Variants in ZDHHC17 observed in about 807,000 individuals in gnomAD.
ZDHHC17 encodes palmitoyltransferase ZDHHC17.
ZDHHC17 carries 40 observed loss-of-function variants against 90.3 expected under a neutral mutation model. That is an observed-to-expected ratio of 0.44 (90% CI 0.34 to 0.58). The LOEUF (loss-of-function observed/expected upper bound fraction) is 0.58. Among genes scored for constraint, ZDHHC17 ranks in the 20% least tolerant of loss-of-function variants. The pLI is 0.01. For missense variants in ZDHHC17, 614 were observed against 780.8 expected (o/e 0.79, Z 2.55); for synonymous variants, 235 against 252.4 (o/e 0.93, Z 0.65).
chr12:76,813,537 A>G, intron 5 of ZDHHC17: 1 of 289,454 alleles, frequency 3.5e-6, no homozygotes. Flanking sequence ...ATATGCTTAG[A>G]TAATGTTCAC....
chr12:76,835,319 G>T (rs1241971751), intron 10 of ZDHHC17, among the ~76,000 whole-genome samples: 1 of 152,076 alleles, frequency 6.6e-6, no homozygotes, highest in Non-Finnish European at 1.5e-5. Context: ...CCAAAGTGCT[G>T]GGATTACAGG....
chr12:76,802,105 G>A (rs1952898598), intron 2 of ZDHHC17, among the ~76,000 whole-genome samples: 1 of 152,132 alleles, frequency 6.6e-6, no homozygotes, highest in Non-Finnish European at 1.5e-5. Context: ...TCACCTGGCA[G>A]GTCTCCTTTG....
In ZDHHC17 at chr12:76,843,031, G is replaced by GGCATA. The variant is rs1953453635; in HGVS notation, c.1329+58_1329+62dup. ...CCTCCCTTCTCTTCCTCCTGACAGT[G>GGCATA]GCATAGCATAGCGGGTATGGGGTGT... is the stretch of plus-strand genomic sequence containing the variant. On this transcript the variant is annotated intron_variant, in intron 12 of 16. Coordinates refer to ENST00000426126, the MANE Select transcript of ZDHHC17 (RefSeq NM_015336.4). The GGCATA allele has an allele frequency of 2.0e-6, 3 of 1,470,252 alleles. No individual in the cohort carries two copies. In the African/African-American group the frequency reaches 4.2e-5, roughly 21 times the overall value. The allele number at this position is 1,470,252 out of a possible 1,614,324, so 91.1% of individuals were successfully genotyped here. A position where few individuals can be genotyped will look rare whatever the true frequency, so the allele number is the denominator to read the frequency against.
intron 1 of ZDHHC17, among the ~76,000 whole-genome samples, chr12:76,772,472 A>G (rs1952504092): frequency 6.6e-6 from 1 of 151,898 alleles, no homozygotes; most frequent in Non-Finnish European, 1.5e-5. Flanking sequence ...ATTATCACCC[A>G]AAGGCCATAG....
At chr12:76,798,308 G>C (rs1320851583) in intron 2 of ZDHHC17, among the ~76,000 whole-genome samples, 1 of 152,112 alleles carries the variant, frequency 6.6e-6, no homozygotes, top group African/African-American at 2.4e-5. Flanking sequence ...CAAAGGAAAA[G>C]GACAAATCTG....
At chr12:76,798,263 C>T (rs1565776382) in intron 2 of ZDHHC17, among the ~76,000 whole-genome samples, 3 of 152,038 alleles carry the variant, frequency 2.0e-5, no homozygotes, top group Non-Finnish European at 2.9e-5. Context: ...TCTAAAATAT[C>T]GTCAAAATAC....
chr12:76,838,903 G>C (rs935962217), intron 10 of ZDHHC17, among the ~76,000 whole-genome samples: 1 of 152,152 alleles, frequency 6.6e-6, no homozygotes, highest in African/African-American at 2.4e-5. Flanking sequence ...CCAGAGACTA[G>C]GTGGTTTAAC....
intron 10 of ZDHHC17, among the ~76,000 whole-genome samples, chr12:76,831,303 A>AT (rs906148484): frequency 1.3e-4 from 19 of 151,264 alleles, no homozygotes; most frequent in South Asian, 6.3e-4. Context: ...TGGATTCACA[A>AT]TTTTTTTTTG....
intron 8 of ZDHHC17, among the ~76,000 whole-genome samples, chr12:76,826,507 T>C (rs1438772549): frequency 2.0e-5 from 3 of 152,208 alleles, no homozygotes; most frequent in African/African-American, 7.2e-5. Flanking sequence ...TCTTCAGGTT[T>C]CCTTATGTGT....
intron 5 of ZDHHC17, among the ~76,000 whole-genome samples, 188 bp downstream of exon 5, chr12:76,810,045 A>G (rs1953001012): frequency 6.6e-6 from 1 of 152,206 alleles, no homozygotes; most frequent in Non-Finnish European, 1.5e-5. Context: ...CATGAAAATC[A>G]TGAACCAGAT....
At chr12:76,768,813 A>C (rs1351043964) in intron 1 of ZDHHC17, among the ~76,000 whole-genome samples, 1 of 152,180 alleles carries the variant, frequency 6.6e-6, no homozygotes, top group African/African-American at 2.4e-5. Context: ...CATCTGACTC[A>C]GAGCTTTGAA....
chr12:76,841,781 CTT>C (rs780626530), intron 10 of ZDHHC17, among the ~76,000 whole-genome samples, 199 bp from the exon 11 acceptor site: 7 of 151,972 alleles, frequency 4.6e-5, no homozygotes, highest in Non-Finnish European at 4.4e-5. Context: ...TATTCACTAA[CTT>C]TTAAAGTGTC....
chr12:76,810,614 TTTG>T (rs1245082806), intron 5 of ZDHHC17, among the ~76,000 whole-genome samples: 1 of 152,180 alleles, frequency 6.6e-6, no homozygotes, highest in African/African-American at 2.4e-5. Flanking sequence ...TTTTACAGTA[TTTG>T]TTGTTGGCAG....
intron 1 of ZDHHC17, among the ~76,000 whole-genome samples, chr12:76,771,343 T>G (rs1565755755): frequency 6.6e-6 from 1 of 152,202 alleles, no homozygotes; most frequent in African/African-American, 2.4e-5. Context: ...AACAATACTT[T>G]TTTGTTTTTG....
intron 10 of ZDHHC17, among the ~76,000 whole-genome samples, chr12:76,838,244 T>C (rs1053460565): frequency 3.3e-5 from 5 of 152,188 alleles, no homozygotes; most frequent in Non-Finnish European, 5.9e-5. Context: ...TGCGGCTGCT[T>C]TCCATACTGG....
At position 76,833,652 on chromosome 12, in the gene ZDHHC17, C is replaced by T. The variant is rs7299025; in HGVS notation, c.1141+5162C>T. On this transcript the variant is annotated intron_variant, in intron 10 of 16. Transcript: ENST00000426126. ...CTAAAAATACAAAAAATTAGCCGGG[C>T]ATGGTGGCGGGTGCCTGTAGTCCCA... 6.9e-3 allele frequency among the ~76,000 whole-genome samples: 1,050 copies of T among 152,166 alleles called. 9 individuals are homozygous for T. Among genetic ancestry groups the T allele is most frequent in the African/African-American group, 0.024 (997 of 41,524 alleles).
At chr12:76,799,641 A>T (rs773108742) in intron 2 of ZDHHC17, among the ~76,000 whole-genome samples, 1 of 152,240 alleles carries the variant, frequency 6.6e-6, no homozygotes, top group Non-Finnish European at 1.5e-5. Context: ...CACCAAAAAG[A>T]TTAAAAATGA....
At chr12:76,826,769 A>T in intron 8 of ZDHHC17, 139 bp from the exon 9 acceptor site, 1 of 772,408 alleles carries the variant, frequency 1.3e-6, no homozygotes, top group Non-Finnish European at 1.9e-6. Context: ...CAGCACCTTG[A>T]ATAGTACTGA....
At chr12:76,845,250 A>G (rs1053453245) in intron 12 of ZDHHC17, 1 of 152,190 alleles carries the variant, frequency 6.6e-6, no homozygotes, top group Non-Finnish European at 1.5e-5. Flanking sequence ...GAATTTTAAG[A>G]GCTTTTTAAA....
Sources: allele counts gnomAD v4.1 joint callset (sites outside exome capture counted in the v4.1 genomes callset), GRCh38; gene constraint gnomAD v4.1.1; transcripts MANE v1.5; gene names NCBI Gene and HGNC (gene_info 2026-07-23, HGNC 2026-07-21).